RASGEF1A: variants seen among roughly 807,000 people sequenced by gnomAD.
RASGEF1A encodes the protein ras-GEF domain-containing family member 1A.
In RASGEF1A, 18 loss-of-function variants were observed where a neutral mutation model predicts 56.4. The ratio of observed to expected loss-of-function variants is 0.32; its 90% CI spans 0.22 to 0.47. The LOEUF (loss-of-function observed/expected upper bound fraction) is 0.47, where lower values mean the gene tolerates loss of function less well. RASGEF1A is among the 20% of genes least tolerant of loss of function. RASGEF1A has a pLI of 1.00. For missense variants in RASGEF1A, 422 were observed against 627.1 expected (o/e 0.67, Z 3.49); for synonymous variants, 245 against 242.6 (o/e 1.01, Z -0.09).
rs201520636 is a variant in RASGEF1A, at chr10:43,196,225, G to C, written c.*19C>G. On this transcript the variant is annotated 3_prime_UTR_variant, in exon 13 of 13. Coordinates refer to ENST00000395810, the MANE Select transcript of RASGEF1A (RefSeq NM_145313.4). The surrounding 1 kb of genome is among the most constrained non-coding windows in gnomAD (Gnocchi z 4.6). ...AGTTAGTGCACGTGCTTCCTCTGGC[G>C]TCGCGGGCTGCATCCGCCTCAGGCT... 6.2e-7 allele frequency: 1 copy of C among 1,612,112 alleles called. No individual in the cohort carries two copies. Among genetic ancestry groups the C allele is most frequent in the Non-Finnish European group, 8.5e-7 (1 of 1,178,712 alleles).
intron 1 of RASGEF1A, chr10:43,206,982 T>A (rs1056459081): frequency 1.0e-6 from 1 of 985,214 alleles, no homozygotes; most frequent in African/African-American, 1.7e-5. Context: ...GGGCTCAGGG[T>A]CTCACCACAC....
intron 6 of RASGEF1A, 73 bp downstream of exon 6, chr10:43,200,109 A>T: frequency 7.8e-7 from 1 of 1,280,028 alleles, no homozygotes; most frequent in South Asian, 1.3e-5. Flanking sequence ...TGAGGCCCAC[A>T]CCCACCCTGC....
chr10:43,266,041 G>GC (rs1323364949), intron 1 of RASGEF1A, among the ~76,000 whole-genome samples: 2 of 152,164 alleles, frequency 1.3e-5, no homozygotes, highest in Non-Finnish European at 2.9e-5. Context: ...CCAGGTCTCT[G>GC]CCCCCAGGTG....
In RASGEF1A at chr10:43,200,858, G is replaced by T; in HGVS notation, c.490C>A (p.Gln164Lys). The T allele has an allele frequency of 6.2e-7, 1 of 1,614,040 alleles. No individual in the cohort carries two copies. The highest frequency in any genetic ancestry group is 1.7e-5 in the Admixed American group (1 of 60,028). Residue 164 changes from glutamine (Q) to lysine (K), a missense_variant, in exon 5 of 13, where the codon CAG becomes AAG. Gln to Lys is a moderately conservative substitution (Grantham distance 53). Transcript: ENST00000395810. ...GACAGCAACAGGCTCTGTGTCATCT[G>T]GGCAATGGCCTTCTTCACTGTGCCA... ...ENGTVKKAIA[Q>K]MTQSLLLSLA... is the part of the protein sequence containing the mutation.
At position 43,196,137 on chromosome 10, in the gene RASGEF1A, C is replaced by G. The variant is rs1465097336; in HGVS notation, c.*107G>C. 9.5e-7 allele frequency: 1 copy of G among 1,047,278 alleles called. No individual in the cohort carries two copies. Among genetic ancestry groups the G allele is most frequent in the African/African-American group, 1.6e-5 (1 of 62,892 alleles). 64.9% of individuals were successfully genotyped at this position (1,047,278 alleles called of 1,614,324 possible). On this transcript the variant is annotated 3_prime_UTR_variant, in exon 13 of 13. Transcript: ENST00000395810. The surrounding 1 kb of genome is among the most constrained non-coding windows in gnomAD (Gnocchi z 4.6). ...ATTTTTTTCTCATAAAAGTTATATA[C>G]AAAATGGACCCCAACCAGTGAGGCC... is the stretch of plus-strand genomic sequence containing the variant.
chr10:43,257,105 C>A (rs915506797), intron 1 of RASGEF1A, among the ~76,000 whole-genome samples: 1 of 152,214 alleles, frequency 6.6e-6, no homozygotes, highest in Non-Finnish European at 1.5e-5. Flanking sequence ...TTTCCACTCT[C>A]CAATGGTTCT....
At chr10:43,230,042 G>A (rs995068504) in intron 1 of RASGEF1A, among the ~76,000 whole-genome samples, 35 of 151,968 alleles carry the variant, frequency 2.3e-4, no homozygotes, top group Non-Finnish European at 3.8e-4. Flanking sequence ...GGGATCGGCC[G>A]TGCCGGGGGT....
At chr10:43,238,233 G>A (rs1840459376) in intron 1 of RASGEF1A, among the ~76,000 whole-genome samples, 1 of 152,118 alleles carries the variant, frequency 6.6e-6, no homozygotes, top group Non-Finnish European at 1.5e-5. Context: ...GCTAGTTTAT[G>A]TGTGCCTACA....
At chr10:43,229,637 C>A (rs896085806) in intron 1 of RASGEF1A, 3 of 1,494,798 alleles carry the variant, frequency 2.0e-6, no homozygotes, top group South Asian at 2.5e-5. Context: ...GCAGCCCTAC[C>A]TGGGGCTCCA....
intron 1 of RASGEF1A, among the ~76,000 whole-genome samples, chr10:43,209,688 C>T (rs920498936): frequency 7.0e-6 from 1 of 143,026 alleles, no homozygotes; most frequent in Admixed American, 7.0e-5. Context: ...GGAAGCCCCC[C>T]CACCAGGGCT....
At chr10:43,200,957 A>T (rs1017766674) in intron 4 of RASGEF1A, 69 bp from the exon 5 acceptor site, 3 of 1,420,882 alleles carry the variant, frequency 2.1e-6, no homozygotes, top group Non-Finnish European at 3.0e-6. Context: ...TGTGGGTAGG[A>T]TCCATCTCAC....
chr10:43,228,903 C>G (rs1051673141), intron 1 of RASGEF1A, among the ~76,000 whole-genome samples: 1 of 152,232 alleles, frequency 6.6e-6, no homozygotes, highest in African/African-American at 2.4e-5. Flanking sequence ...ACAGATGAGT[C>G]CTGCATCTTT....
At chr10:43,220,654 G>T (rs1003760889) in intron 1 of RASGEF1A, among the ~76,000 whole-genome samples, 2 of 152,072 alleles carry the variant, frequency 1.3e-5, no homozygotes, top group African/African-American at 2.4e-5. Flanking sequence ...GCACGGTGGT[G>T]CACACCTGTA....
At chr10:43,215,709 C>A (rs1192853055) in intron 1 of RASGEF1A, among the ~76,000 whole-genome samples, 1 of 152,166 alleles carries the variant, frequency 6.6e-6, no homozygotes, top group Non-Finnish European at 1.5e-5. Context: ...TGGAGATACA[C>A]CAGGGGAAAA....
At chr10:43,259,312 C>A (rs1018473545) in intron 1 of RASGEF1A, among the ~76,000 whole-genome samples, 1 of 152,148 alleles carries the variant, frequency 6.6e-6, no homozygotes, top group African/African-American at 2.4e-5. Context: ...GGGGTAGTAG[C>A]AGTGGCCCCT....
At chr10:43,216,425 C>T (rs1003324358) in intron 1 of RASGEF1A, among the ~76,000 whole-genome samples, 1 of 152,182 alleles carries the variant, frequency 6.6e-6, no homozygotes, top group African/African-American at 2.4e-5. Flanking sequence ...CTCACCTTAC[C>T]CTGCGGGGAG....
chr10:43,255,135 G>A (rs1840673865), intron 1 of RASGEF1A, among the ~76,000 whole-genome samples: 1 of 152,144 alleles, frequency 6.6e-6, no homozygotes, highest in African/African-American at 2.4e-5. Context: ...CCTCCAGCCG[G>A]TGTCGGGCTT....
intron 3 of RASGEF1A, 113 bp from the exon 4 acceptor site, chr10:43,202,058 C>T (rs772637880): frequency 2.4e-5 from 29 of 1,215,538 alleles, no homozygotes; most frequent in Non-Finnish European, 3.1e-5. Context: ...CTGTGCTGGG[C>T]ACAGCCCCCA....
chr10:43,249,535 T>C (rs61845684), intron 1 of RASGEF1A, among the ~76,000 whole-genome samples: 25,591 of 152,264 alleles, frequency 0.17, 2,738 homozygotes, highest in East Asian at 0.51. Flanking sequence ...TCCCCATTGC[T>C]GTTGGCTGGC....
Sources: gnomAD v4.1 joint callset for allele counts (sites outside exome capture counted in the v4.1 genomes callset) on GRCh38, gnomAD v4.1.1 for gene constraint, Gnocchi (gnomAD v3.1) non-coding constraint, MANE v1.5 for transcripts, NCBI Gene and HGNC (gene_info 2026-07-23, HGNC 2026-07-21) for gene names.